TMEM161B: variants seen among roughly 807,000 people sequenced by gnomAD.
TMEM161B encodes the protein transmembrane protein 161B.
In TMEM161B, 34 loss-of-function variants were observed where a neutral mutation model predicts 61.8. That is an observed-to-expected ratio of 0.55 (90% CI 0.42 to 0.73). The LOEUF is 0.73. Among genes scored for constraint, TMEM161B ranks in the 30% least tolerant of loss-of-function variants. The pLI, the probability that TMEM161B is intolerant of heterozygous loss-of-function variation, is 0.00. For synonymous variants in TMEM161B, 167 were observed against 192.8 expected, an observed-to-expected ratio of 0.87 and a Z score of 1.11; for missense variants, 456 against 558.5, an observed-to-expected ratio of 0.82 and a Z score of 1.85.
chr5:88,220,516 G>A (rs1748712547), intron 5 of TMEM161B, 47 bp downstream of exon 5: 2 of 1,425,744 alleles, frequency 1.4e-6, no homozygotes, highest in African/African-American at 3.0e-5. Flanking sequence ...AGATCTAATG[G>A]TGTTATCTGC....
chr5:88,202,020 A>C, intron 9 of TMEM161B: 2 of 414,972 alleles, frequency 4.8e-6, no homozygotes, highest in Non-Finnish European at 9.7e-6. Flanking sequence ...AAGCAGTGAA[A>C]AGAACATTTA....
downstream of TMEM161B, among the ~76,000 whole-genome samples, chr5:88,194,812 T>G (rs1455636723): frequency 3.9e-5 from 6 of 152,034 alleles, no homozygotes; most frequent in African/African-American, 1.4e-4. Context: ...CTCTTAAGAG[T>G]TATATGGAAA....
intron 2 of TMEM161B, among the ~76,000 whole-genome samples, chr5:88,231,254 G>A (rs750913061): frequency 6.6e-6 from 1 of 152,178 alleles, no homozygotes; most frequent in Non-Finnish European, 1.5e-5. Flanking sequence ...AGGGGATCAT[G>A]GGAATCCTCA....
In TMEM161B at chr5:88,195,829, C is replaced by T. The variant is rs111597955; in HGVS notation, c.*382G>A. Reference sequence around the variant, plus strand: ...TTGAAGATTGTTCTATAGGCAGCCACTATGACTATCAACAGTACCATAAAA... The same window carrying T: ...TTGAAGATTGTTCTATAGGCAGCCATTATGACTATCAACAGTACCATAAAA... On this transcript the variant is annotated 3_prime_UTR_variant, in exon 12 of 12. Transcript: ENST00000296595. 3.0e-6 allele frequency: 3 copies of T among 1,001,082 alleles called. No homozygotes were observed. In the African/African-American group the frequency reaches 5.2e-5, roughly 17 times the overall value. 62.0% of individuals were successfully genotyped at this position (1,001,082 alleles called of 1,614,324 possible).
intron 1 of TMEM161B, among the ~76,000 whole-genome samples, chr5:88,254,372 T>A (rs559405782): frequency 6.6e-6 from 1 of 152,252 alleles, no homozygotes; most frequent in Admixed American, 6.5e-5. Flanking sequence ...TCAGATCATC[T>A]CCTAAGAACC....
At chr5:88,214,695 T>C (rs1176835824) in intron 5 of TMEM161B, among the ~76,000 whole-genome samples, 1 of 151,910 alleles carries the variant, frequency 6.6e-6, no homozygotes, top group African/African-American at 2.4e-5. Flanking sequence ...AAGGGTTTCT[T>C]TACCTTTCTC....
At chr5:88,256,096 A>G (rs1754949083) in intron 1 of TMEM161B, among the ~76,000 whole-genome samples, 1 of 152,244 alleles carries the variant, frequency 6.6e-6, no homozygotes, top group African/African-American at 2.4e-5. Context: ...ATACTTTTTC[A>G]TAACAATAGA....
At chr5:88,221,571 T>C (rs2591365) in intron 4 of TMEM161B, 4 of 379,290 alleles carry the variant, frequency 1.1e-5, no homozygotes, top group South Asian at 5.9e-5. Context: ...TTATAAAATG[T>C]CTGTTGATTT....
intron 1 of TMEM161B, among the ~76,000 whole-genome samples, chr5:88,247,040 T>C (rs910867424): frequency 6.6e-6 from 1 of 151,890 alleles, no homozygotes; most frequent in Non-Finnish European, 1.5e-5. Context: ...CCAAGAAGGG[T>C]GAAACATTGG....
chr5:88,220,213 G>A (rs1014764920), intron 5 of TMEM161B, among the ~76,000 whole-genome samples: 1 of 151,938 alleles, frequency 6.6e-6, no homozygotes, highest in Non-Finnish European at 1.5e-5. Context: ...ATGAAAGAAG[G>A]GAAGAAAAGG....
At chr5:88,247,863 A>G (rs1280536235) in intron 1 of TMEM161B, among the ~76,000 whole-genome samples, 1 of 152,124 alleles carries the variant, frequency 6.6e-6, no homozygotes, top group Non-Finnish European at 1.5e-5. Context: ...ACATTTATTG[A>G]ACAACAAACT....
At position 88,203,750 on chromosome 5, in the gene TMEM161B, CATATATATATATATATATATAT is replaced by C. The variant is rs35091076; in HGVS notation, c.801-697_801-676del. ...AACACACTTGAAATAATTTCCCTAT[CATATATATATATATATATATAT>C]ATATATATATATATATATATATATA... On this transcript the variant is annotated intron_variant, in intron 8 of 11. Coordinates refer to ENST00000296595, the MANE Select transcript of TMEM161B (RefSeq NM_153354.5). Among the ~76,000 whole-genome samples, 243 of 93,748 alleles carry C rather than the reference CATATATATATATATATATATAT, an allele frequency of 2.6e-3. 1 individual carries two copies. Among genetic ancestry groups the C allele is most frequent in the East Asian group, 7.7e-3 (30 of 3,892 alleles). 61.5% of individuals were successfully genotyped at this position (93,748 alleles called of 152,430 possible). A position where few individuals can be genotyped will look rare whatever the true frequency, so the allele number is the denominator to read the frequency against.
chr5:88,228,016 G>A (rs547523802), intron 3 of TMEM161B, among the ~76,000 whole-genome samples: 28 of 152,162 alleles, frequency 1.8e-4, no homozygotes, highest in Non-Finnish European at 2.5e-4. Flanking sequence ...GACCTACACA[G>A]TTATATTGTC....
At chr5:88,227,595 T>A (rs929932895) in intron 3 of TMEM161B, among the ~76,000 whole-genome samples, 5 of 152,206 alleles carry the variant, frequency 3.3e-5, no homozygotes, top group African/African-American at 1.2e-4. Context: ...AAAAAGACAG[T>A]CTTTTCAAAT....
intron 1 of TMEM161B, among the ~76,000 whole-genome samples, chr5:88,250,234 T>C (rs1189749492): frequency 1.3e-5 from 2 of 152,190 alleles, no homozygotes; most frequent in South Asian, 4.2e-4. Flanking sequence ...GAAGCCTGGC[T>C]GGTAAGAAAT....
intron 5 of TMEM161B, among the ~76,000 whole-genome samples, chr5:88,207,647 C>A (rs1745780138): frequency 6.6e-6 from 1 of 152,066 alleles, no homozygotes; most frequent in African/African-American, 2.4e-5. Flanking sequence ...AAGAAAAAAT[C>A]TTTAGAGAAA....
chr5:88,243,618 G>C (rs1395675027), intron 1 of TMEM161B, among the ~76,000 whole-genome samples: 1 of 151,846 alleles, frequency 6.6e-6, no homozygotes, highest in Non-Finnish European at 1.5e-5. Flanking sequence ...ATCCAATAAT[G>C]GGATTACTGG....
intron 2 of TMEM161B, among the ~76,000 whole-genome samples, chr5:88,235,462 C>G (rs540556600): frequency 2.0e-5 from 3 of 152,128 alleles, no homozygotes; most frequent in Non-Finnish European, 4.4e-5. Context: ...GAGGTGGGAA[C>G]TTTCAGGAGT....
chr5:88,261,355 A>G (rs2112777770), intron 1 of TMEM161B, among the ~76,000 whole-genome samples: 1 of 152,234 alleles, frequency 6.6e-6, no homozygotes, highest in Admixed American at 6.5e-5. Context: ...TACAGATTCA[A>G]TGCAATTACA....
Sources: allele counts gnomAD v4.1 joint callset (sites outside exome capture counted in the v4.1 genomes callset), GRCh38; gene constraint gnomAD v4.1.1; transcripts MANE v1.5; gene names NCBI Gene and HGNC (gene_info 2026-07-23, HGNC 2026-07-21).